The following RNGTT variants were observed in gnomAD, a reference collection of about 807,000 sequenced individuals.
The protein encoded by RNGTT is mRNA-capping enzyme.
In RNGTT, 33 loss-of-function variants were observed where a neutral mutation model predicts 79.3. The ratio of observed to expected loss-of-function variants is 0.42; its 90% confidence interval spans 0.32 to 0.56. The LOEUF is 0.56. Among genes scored for constraint, RNGTT ranks in the 20% least tolerant of loss-of-function variants. RNGTT has a pLI of 0.17. For missense variants in RNGTT, 497 were observed against 739.1 expected, an observed-to-expected ratio of 0.67 and a Z score of 3.80; for synonymous variants, 222 against 235.9, an observed-to-expected ratio of 0.94 and a Z score of 0.54.
At chr6:88,791,084 G>T (rs936330954) in intron 12 of RNGTT, among the ~76,000 whole-genome samples, 2 of 151,602 alleles carry the variant, frequency 1.3e-5, no homozygotes, top group Non-Finnish European at 2.9e-5. Flanking sequence ...GCCATTCAAG[G>T]GCAGGGGAGA....
chr6:88,628,028 CTTT>C (rs1772700457), intron 14 of RNGTT, among the ~76,000 whole-genome samples: 2 of 152,088 alleles, frequency 1.3e-5, no homozygotes, highest in Non-Finnish European at 2.9e-5. Context: ...ATTTCTTCTA[CTTT>C]GAGAAAGAAA....
chr6:88,884,412 T>C (rs748767264), intron 8 of RNGTT, among the ~76,000 whole-genome samples: 1 of 152,116 alleles, frequency 6.6e-6, no homozygotes, highest in Non-Finnish European at 1.5e-5. Flanking sequence ...CTAAAGTGTA[T>C]GGTATCTTTC....
chr6:88,651,456 G>C (rs1435148286), intron 14 of RNGTT, among the ~76,000 whole-genome samples: 1 of 151,990 alleles, frequency 6.6e-6, no homozygotes, highest in Non-Finnish European at 1.5e-5. Context: ...TGCCTGCTGG[G>C]CATATAATAC....
At chr6:88,696,407 C>A (rs1380245110) in intron 13 of RNGTT, among the ~76,000 whole-genome samples, 1 of 151,994 alleles carries the variant, frequency 6.6e-6, no homozygotes, top group African/African-American at 2.4e-5. Flanking sequence ...TCATTAAATA[C>A]AAAATAGTTC....
At chr6:88,874,193 T>A (rs1782442589) in intron 8 of RNGTT, among the ~76,000 whole-genome samples, 1 of 152,160 alleles carries the variant, frequency 6.6e-6, no homozygotes, top group Admixed American at 6.5e-5. Flanking sequence ...CAGAACTCTG[T>A]AGCAATACAA....
chr6:88,662,949 G>T (rs1464331985), intron 14 of RNGTT, among the ~76,000 whole-genome samples: 1 of 152,108 alleles, frequency 6.6e-6, no homozygotes, highest in African/African-American at 2.4e-5. Flanking sequence ...TTTGGTTTTG[G>T]TTTTCATTTT....
chr6:88,646,344 T>C (rs375181569), intron 14 of RNGTT, among the ~76,000 whole-genome samples: 8 of 152,120 alleles, frequency 5.3e-5, no homozygotes, highest in African/African-American at 7.2e-5. Context: ...CAGGAAACAA[T>C]AGGTGCTGGA....
intron 1 of RNGTT, among the ~76,000 whole-genome samples, chr6:88,957,212 C>CCTCAA (rs1785463466): frequency 6.6e-6 from 1 of 151,918 alleles, no homozygotes; most frequent in Non-Finnish European, 1.5e-5. Flanking sequence ...GGTAATAGAG[C>CCTCAA]CATACCTCAA....
At chr6:88,958,951 C>A (rs940630356) in intron 1 of RNGTT, among the ~76,000 whole-genome samples, 2 of 152,086 alleles carry the variant, frequency 1.3e-5, no homozygotes, top group African/African-American at 4.8e-5. Flanking sequence ...AATGTGGAAC[C>A]AGCTTAAATG....
rs753154918 is a variant in RNGTT, at chr6:88,639,018, G to GT, written c.1507-24624dup. 4.6e-5 allele frequency among the ~76,000 whole-genome samples: 7 copies of GT among 151,894 alleles called. No individual in the cohort carries two copies. The East Asian group carries it at 7.7e-4, about 17-fold the overall frequency. ...TATTACCAATTTTGACTGTTACTCTGTTTTTTTCAGTTAAATATGGTAATA... is the reference window on the plus strand; with the variant it reads ...TATTACCAATTTTGACTGTTACTCTGTTTTTTTTCAGTTAAATATGGTAATA... On this transcript the variant is annotated intron_variant, in intron 14 of 15. Coordinates refer to ENST00000369485, the MANE Select transcript of RNGTT (RefSeq NM_003800.5).
intron 4 of RNGTT, among the ~76,000 whole-genome samples, chr6:88,920,524 C>G (rs961795187): frequency 6.6e-6 from 1 of 151,990 alleles, no homozygotes; most frequent in Non-Finnish European, 1.5e-5. Flanking sequence ...ATATAACAGT[C>G]ACACATACAT....
At chr6:88,900,044 A>G (rs1479048390) in intron 6 of RNGTT, among the ~76,000 whole-genome samples, 2 of 152,154 alleles carry the variant, frequency 1.3e-5, no homozygotes, top group Admixed American at 1.3e-4. Context: ...AATCCTCTCT[A>G]AAGAAAGATA....
chr6:88,716,733 T>TGCATGTTCTCACTCATAGATGG (rs1323502795), intron 13 of RNGTT, among the ~76,000 whole-genome samples: 2 of 151,896 alleles, frequency 1.3e-5, no homozygotes, highest in Non-Finnish European at 2.9e-5. Context: ...AACCAAACAC[T>TGCATGTTCTCACTCATAGATGG]GCATGTTCTC....
intron 8 of RNGTT, among the ~76,000 whole-genome samples, chr6:88,869,123 C>T (rs1415323028): frequency 6.6e-6 from 1 of 152,080 alleles, no homozygotes; most frequent in Non-Finnish European, 1.5e-5. Context: ...TTTAATATTG[C>T]TTCATGCACA....
intron 13 of RNGTT, among the ~76,000 whole-genome samples, chr6:88,712,626 T>G (rs1562210807): frequency 6.6e-6 from 1 of 152,212 alleles, no homozygotes. Context: ...TTTAGTTTTA[T>G]TATAGGCATT....
chr6:88,894,958 T>C (rs1783184438), intron 6 of RNGTT, among the ~76,000 whole-genome samples: 2 of 152,070 alleles, frequency 1.3e-5, no homozygotes, highest in South Asian at 4.1e-4. Context: ...AATAGCAATG[T>C]CTTCGGTCTG....
rs1324848497 is a variant in RNGTT at position 88,692,572 on chromosome 6, GA to G, written c.1440-14154del. On this transcript the variant is annotated intron_variant, in intron 13 of 15. Coordinates refer to ENST00000369485, the MANE Select transcript of RNGTT (RefSeq NM_003800.5). ...ATGTTTCCACTGATATAAATTTATAGAAAATGAATACTAAACAGCAGATGAT... is the reference window on the plus strand; with the variant it reads ...ATGTTTCCACTGATATAAATTTATAGAAATGAATACTAAACAGCAGATGAT... Among the ~76,000 whole-genome samples the G allele has an allele frequency of 3.3e-5, 5 of 151,912 alleles. No individual in the cohort carries two copies. In the East Asian group the frequency reaches 9.7e-4, roughly 29 times the overall value.
chr6:88,949,939 C>A (rs187298829), intron 1 of RNGTT, among the ~76,000 whole-genome samples: 64 of 152,346 alleles, frequency 4.2e-4, no homozygotes, highest in Non-Finnish European at 3.8e-4. Context: ...CTAGGACTTT[C>A]ATAGCTAGAG....
intron 9 of RNGTT, among the ~76,000 whole-genome samples, chr6:88,850,601 A>AT (rs1781639423): frequency 6.9e-6 from 1 of 144,412 alleles, no homozygotes; most frequent in Non-Finnish European, 1.5e-5. Flanking sequence ...ATCTAAAATT[A>AT]CAAAAAAAAC....
Sources: allele counts gnomAD v4.1 joint callset (sites outside exome capture counted in the v4.1 genomes callset), GRCh38; gene constraint gnomAD v4.1.1; transcripts MANE v1.5; gene names NCBI Gene and HGNC (gene_info 2026-07-23, HGNC 2026-07-21).